EML5: variants seen among roughly 807,000 people sequenced by gnomAD.
EML5 encodes echinoderm microtubule-associated protein-like 5.
EML5 carries 120 observed loss-of-function variants against 250.0 expected under a neutral mutation model. That is an observed-to-expected ratio of 0.48 (90% CI 0.41 to 0.56). The LOEUF (loss-of-function observed/expected upper bound fraction) is 0.56. Ranked by LOEUF, EML5 falls within the 20% of genes least tolerant of loss-of-function variation. The pLI, the probability that EML5 is intolerant of heterozygous loss-of-function variation, is 0.00. For synonymous variants in EML5, 771 were observed against 806.5 expected, an observed-to-expected ratio of 0.96 and a Z score of 0.75; for missense variants, 2,006 against 2,437.6, an observed-to-expected ratio of 0.82 and a Z score of 3.73.
chr14:88,731,656 A>G (rs2093760189), intron 7 of EML5, among the ~76,000 whole-genome samples: 2 of 152,226 alleles, frequency 1.3e-5, no homozygotes, highest in Admixed American at 1.3e-4. Context: ...CGTCTTCCAC[A>G]ATGGTTGAAC....
intron 28 of EML5, 112 bp downstream of exon 28, chr14:88,649,800 G>A (rs914810257): frequency 2.2e-5 from 19 of 849,782 alleles, no homozygotes; most frequent in Admixed American, 9.5e-5. Flanking sequence ...ATAATGCTTT[G>A]TTGACAAATG....
At chr14:88,784,955 C>G (rs1161461216) in intron 1 of EML5, among the ~76,000 whole-genome samples, 1 of 152,252 alleles carries the variant, frequency 6.6e-6, no homozygotes, top group East Asian at 1.9e-4. Flanking sequence ...AGTCTATCAA[C>G]AGATGAATGG....
intron 2 of EML5, among the ~76,000 whole-genome samples, chr14:88,751,755 G>A (rs578083539): frequency 6.6e-6 from 1 of 152,250 alleles, no homozygotes; most frequent in Non-Finnish European, 1.5e-5. Flanking sequence ...AGCAGACAAG[G>A]AAAGACTCCT....
intron 10 of EML5, among the ~76,000 whole-genome samples, chr14:88,710,647 T>C (rs1287989603): frequency 6.6e-6 from 1 of 152,174 alleles, no homozygotes; most frequent in Non-Finnish European, 1.5e-5. Flanking sequence ...AGTAGTCGTA[T>C]TCTGTCTTTC....
chr14:88,779,956 ATTTT>A (rs1057257486), intron 1 of EML5, among the ~76,000 whole-genome samples: 2 of 149,296 alleles, frequency 1.3e-5, no homozygotes, highest in Non-Finnish European at 3.0e-5. Flanking sequence ...CTGAAAAAAA[ATTTT>A]TTTTTTTGAA....
At chr14:88,747,646 G>A (rs954020503) in intron 2 of EML5, among the ~76,000 whole-genome samples, 1 of 152,098 alleles carries the variant, frequency 6.6e-6, no homozygotes, top group Non-Finnish European at 1.5e-5. Context: ...TATGAGCAAA[G>A]AATACGAGAC....
chr14:88,728,618 T>G (rs1440245919), intron 7 of EML5, among the ~76,000 whole-genome samples: 1 of 152,120 alleles, frequency 6.6e-6, no homozygotes, highest in African/African-American at 2.4e-5. Context: ...TTGTGTAGGC[T>G]GAGGAGGAGG....
intron 37 of EML5, chr14:88,622,027 C>T: frequency 3.0e-6 from 1 of 330,248 alleles, no homozygotes; most frequent in Non-Finnish European, 6.3e-6. Context: ...TTCCCTATCC[C>T]CCTCCCCCTC....
intron 1 of EML5, among the ~76,000 whole-genome samples, chr14:88,775,848 T>C (rs1243330739): frequency 1.3e-5 from 2 of 152,142 alleles, no homozygotes; most frequent in African/African-American, 2.4e-5. Flanking sequence ...AGCACCATCA[T>C]AGTGGTGGTG....
At chr14:88,732,014 T>C (rs2093766936) in intron 7 of EML5, among the ~76,000 whole-genome samples, 1 of 152,194 alleles carries the variant, frequency 6.6e-6, no homozygotes, top group Admixed American at 6.5e-5. Flanking sequence ...ATTCTGTAGG[T>C]TGCCTGTTCA....
Position 88,661,705 on chromosome 14 carries a change from T to C in EML5, c.3624A>G (p.Leu1208=), listed in dbSNP as rs2092106617. ...ASCLTSDKMV[L]ATGDDLGFVK... The stretch of plus-strand genomic sequence containing the variant: ...CAAATCCCAAATCGTCCCCGGTAGC[T>C]AGAACCATTTTGTCACTGGTGAGGC... The change falls in exon 25 of 44, where the codon CTA becomes CTG. Residue 1208 remains leucine (L), a synonymous_variant. Transcript: ENST00000554922. 6.2e-7 allele frequency: 1 copy of C among 1,613,668 alleles called. No individual in the cohort carries two copies. The highest frequency in any genetic ancestry group is 8.5e-7 in the Non-Finnish European group (1 of 1,179,762).
chr14:88,779,592 A>C (rs1047726098), intron 1 of EML5, among the ~76,000 whole-genome samples: 1 of 152,228 alleles, frequency 6.6e-6, no homozygotes, highest in African/African-American at 2.4e-5. Flanking sequence ...TGTCCCATGT[A>C]GAAGTCACTT....
At chr14:88,636,391 G>A (rs146121922) in intron 32 of EML5, among the ~76,000 whole-genome samples, 1,607 of 152,260 alleles carry the variant, frequency 0.011, 27 homozygotes, top group African/African-American at 0.037. Context: ...GGCTGGGCAC[G>A]GTGGCTCATG....
rs902898092 is a variant in EML5 at position 88,695,244 on chromosome 14, T to C, written c.2438+117A>G. 9 of 706,192 alleles carry C rather than the reference T, an allele frequency of 1.3e-5. No homozygotes were observed. The Admixed American group carries it at 2.3e-4, about 18-fold the overall frequency. The allele number at this position is 706,192 out of a possible 1,614,324, so 43.7% of individuals were successfully genotyped here. A position where few individuals can be genotyped will look rare whatever the true frequency, so the allele number is the denominator to read the frequency against. ...ATTATTTATTCAATGGTAATAAACA[T>C]GGAAGCAATAAAAAGTTACATATTT... On this transcript the variant is annotated intron_variant, in intron 16 of 43. Coordinates refer to ENST00000554922, the MANE Select transcript of EML5 (RefSeq NM_183387.3).
At position 88,759,695 on chromosome 14, in the gene EML5, A is replaced by AC. The variant is rs1318779384; in HGVS notation, c.198-5025_198-5024insG. 1.4e-4 allele frequency among the ~76,000 whole-genome samples: 21 copies of AC among 150,654 alleles called. 1 individual carries two copies. Among genetic ancestry groups the AC allele is most frequent in the African/African-American group, 5.2e-4 (21 of 40,340 alleles). On this transcript the variant is annotated intron_variant, in intron 1 of 43. Coordinates refer to ENST00000554922, the MANE Select transcript of EML5 (RefSeq NM_183387.3). ...CAAGTCACCATCTCTTAAAAAAAAA[A>AC]AAAAAAAAACTGGGGAGAAAAACTA...
At chr14:88,665,225 TA>T in intron 22 of EML5, 111 bp downstream of exon 22, 1 of 1,209,456 alleles carries the variant, frequency 8.3e-7, no homozygotes, top group Non-Finnish European at 1.1e-6. Flanking sequence ...CCTCTTCTAG[TA>T]AAAAAGTTAA....
chr14:88,691,318 G>A (rs1229918242), intron 17 of EML5, among the ~76,000 whole-genome samples: 2 of 152,160 alleles, frequency 1.3e-5, no homozygotes, highest in Non-Finnish European at 2.9e-5. Flanking sequence ...GGTAAGCAGG[G>A]CAGGACAGTT....
At chr14:88,744,740 C>T (rs2093979596) in intron 3 of EML5, among the ~76,000 whole-genome samples, 1 of 151,970 alleles carries the variant, frequency 6.6e-6, no homozygotes, top group Non-Finnish European at 1.5e-5. Context: ...GAAAAACTAA[C>T]ATTTAAAAAA....
At chr14:88,640,555 G>A (rs1347907568) in intron 31 of EML5, among the ~76,000 whole-genome samples, 1 of 152,140 alleles carries the variant, frequency 6.6e-6, no homozygotes, top group Non-Finnish European at 1.5e-5. Context: ...GCAAAAGCAT[G>A]TTAAATGTTA....
Sources: allele counts gnomAD v4.1 joint callset (sites outside exome capture counted in the v4.1 genomes callset), GRCh38; gene constraint gnomAD v4.1.1; transcripts MANE v1.5; gene names NCBI Gene and HGNC (gene_info 2026-07-23, HGNC 2026-07-21).